SUGP1: variants seen among roughly 807,000 people sequenced by gnomAD.
The protein encoded by SUGP1 is SURP and G-patch domain-containing protein 1.
SUGP1 carries 34 observed loss-of-function variants against 76.5 expected under a neutral mutation model. The ratio of observed to expected loss-of-function variants is 0.44; its 90% CI spans 0.34 to 0.59. The LOEUF (loss-of-function observed/expected upper bound fraction) is 0.59, where lower values mean the gene tolerates loss of function less well. Among genes scored for constraint, SUGP1 ranks in the 20% least tolerant of loss-of-function variants. The probability of loss-of-function intolerance (pLI) is 0.01; values close to 1 mark genes in which losing one functional copy is unlikely to be tolerated. For missense variants in SUGP1, 752 were observed against 851.7 expected (o/e 0.88, Z 1.46); for synonymous variants, 326 against 326.2 (o/e 1.00, Z 0.01).
rs201673224 is a variant in SUGP1 at position 19,306,063 on chromosome 19, A to G, written c.324T>C (p.Ser108=). Residue 108 remains serine (S), a synonymous_variant, in exon 4 of 14, where the codon AGT becomes AGC. Coordinates refer to ENST00000247001, the MANE Select transcript of SUGP1 (RefSeq NM_172231.4). ...GTGTGCTGGGAGGGGCGCTGGGCGC[A>G]CTGGTCGGGGCGTCTGGTATAGAAG... ...KAQTSTDAPT[S]APSAPPSTPT... 6.3e-5 allele frequency: 101 copies of G among 1,602,474 alleles called. No individual in the cohort carries two copies. In the African/African-American group the frequency reaches 1.1e-3, roughly 18 times the overall value.
At chr19:19,308,117 C>T (rs1302283248) in intron 3 of SUGP1, among the ~76,000 whole-genome samples, 1 of 152,164 alleles carries the variant, frequency 6.6e-6, no homozygotes, top group African/African-American at 2.4e-5. Flanking sequence ...CTACCTCCGC[C>T]TCCCAGGCCC....
intron 1 of SUGP1, among the ~76,000 whole-genome samples, chr19:19,318,927 T>C (rs1388804850): frequency 6.6e-6 from 1 of 152,016 alleles, no homozygotes; most frequent in Non-Finnish European, 1.5e-5. Context: ...ATCCAAATTT[T>C]AAAAGTCTGA....
At chr19:19,309,437 T>A (rs965705896) in intron 3 of SUGP1, among the ~76,000 whole-genome samples, 1 of 152,124 alleles carries the variant, frequency 6.6e-6, no homozygotes, top group African/African-American at 2.4e-5. Flanking sequence ...TGTGCTATGA[T>A]TGCACTACTG....
intron 8 of SUGP1, among the ~76,000 whole-genome samples, chr19:19,294,597 A>G (rs951218945): frequency 6.6e-6 from 1 of 152,092 alleles, no homozygotes; most frequent in African/African-American, 2.4e-5. Context: ...ACACAGGGGT[A>G]AATTTTCATG....
At position 19,302,196 on chromosome 19, in the gene SUGP1, C is replaced by T. The variant is rs181568277; in HGVS notation, c.887+69G>A. The T allele has an allele frequency of 2.2e-3, 3,547 of 1,595,128 alleles. 11 individuals are homozygous for T. The highest frequency in any genetic ancestry group is 2.8e-3 in the Non-Finnish European group (3,280 of 1,169,742). ...CAGCAGGTGGCTGGACTATGCTGAT[C>T]CAGTGTCCTCCCCTGCAGGGGGACT... On this transcript the variant is annotated intron_variant, in intron 7 of 13. Coordinates refer to ENST00000247001, the MANE Select transcript of SUGP1 (RefSeq NM_172231.4).
At chr19:19,281,894 G>C (rs1425716111) in intron 8 of SUGP1, among the ~76,000 whole-genome samples, 1 of 152,212 alleles carries the variant, frequency 6.6e-6, no homozygotes, top group Admixed American at 6.5e-5. Context: ...GGCCCTCCCC[G>C]AAATTGCTGC....
In SUGP1 at chr19:19,303,356, G is replaced by A. The variant is rs2146616298; in HGVS notation, c.755C>T (p.Ser252Phe). The stretch of plus-strand genomic sequence containing the variant: ...CCGCTCCGTCCACCTACCTTTCTGA[G>A]AGGCTGCCTGCGACTTCTGTGCTTC... ...RKEAQKSQAA[S>F]QKVSPPEDEE... The change falls in exon 6 of 14, where the codon TCT becomes TTT. Residue 252 changes from serine (S) to phenylalanine (F), a missense_variant. Coordinates refer to ENST00000247001, the MANE Select transcript of SUGP1 (RefSeq NM_172231.4). The A allele has an allele frequency of 6.2e-7, 1 of 1,614,086 alleles. No homozygotes were observed. Among genetic ancestry groups the A allele is most frequent in the East Asian group, 2.2e-5 (1 of 44,886 alleles).
chr19:19,291,276 A>G (rs1469579489), intron 8 of SUGP1, among the ~76,000 whole-genome samples: 1 of 152,212 alleles, frequency 6.6e-6, no homozygotes, highest in Non-Finnish European at 1.5e-5. Flanking sequence ...AGGACTATAA[A>G]TACAATGGAG....
chr19:19,276,737 G>A, intron 13 of SUGP1, 63 bp from the exon 14 acceptor site: 1 of 1,610,626 alleles, frequency 6.2e-7, no homozygotes, highest in Non-Finnish European at 8.5e-7. Flanking sequence ...AGTTCCTCCT[G>A]TCTGGAACCT....
intron 8 of SUGP1, chr19:19,280,521 C>T (rs1012190809): frequency 2.3e-5 from 12 of 529,004 alleles, no homozygotes; most frequent in East Asian, 6.1e-5. Context: ...CCAGGCTCTA[C>T]GCACCACCAC....
At chr19:19,289,011 C>T (rs2061162314) in intron 8 of SUGP1, among the ~76,000 whole-genome samples, 1 of 151,776 alleles carries the variant, frequency 6.6e-6, no homozygotes, top group Admixed American at 6.6e-5. Context: ...GTCTCGGACT[C>T]CTGACCTTGT....
At chr19:19,317,372 C>T (rs1201852796) in intron 1 of SUGP1, among the ~76,000 whole-genome samples, 1 of 152,122 alleles carries the variant, frequency 6.6e-6, no homozygotes, top group Non-Finnish European at 1.5e-5. Flanking sequence ...CAGGAAGAAG[C>T]CTGGTACATC....
At chr19:19,286,857 A>G (rs1301760152) in intron 8 of SUGP1, among the ~76,000 whole-genome samples, 1 of 152,242 alleles carries the variant, frequency 6.6e-6, no homozygotes, top group Non-Finnish European at 1.5e-5. Context: ...CAGCCTGGCT[A>G]ACATGGCGAA....
In SUGP1 at chr19:19,316,653, C is replaced by T. The variant is rs577666279; in HGVS notation, c.35-60G>A. ...CTTACTCCACAAACACCCCAAGAAG[C>T]TGTGACAGGCCAGAGAGCAACTGAT... On this transcript the variant is annotated intron_variant, in intron 1 of 13. Coordinates refer to ENST00000247001, the MANE Select transcript of SUGP1 (RefSeq NM_172231.4). 1.5e-5 allele frequency: 24 copies of T among 1,577,752 alleles called. 1 individual carries two copies. In the South Asian group the frequency reaches 2.3e-4, roughly 15 times the overall value.
Position 19,305,834 on chromosome 19 carries a change from G to C in SUGP1, c.538+15C>G, listed in dbSNP as rs554613554. On this transcript the variant is annotated intron_variant, in intron 4 of 13. Transcript: ENST00000247001. The stretch of plus-strand genomic sequence containing the variant: ...GGGCACTGGTGGTGGGGGAGCAGCA[G>C]CTCCCACAACTTACCTTTGATCTCC... The C allele has an allele frequency of 2.1e-5, 33 of 1,580,298 alleles. 1 individual carries two copies. In the South Asian group the frequency reaches 3.6e-4, roughly 17 times the overall value.
At chr19:19,320,328 A>T in intron 1 of SUGP1, 135 bp downstream of exon 1, 1 of 929,252 alleles carries the variant, frequency 1.1e-6, no homozygotes, top group Non-Finnish European at 1.5e-6. Flanking sequence ...AGAGGTGCAG[A>T]AGCCGACGCT....
chr19:19,312,175 C>T (rs1021486997), intron 2 of SUGP1, among the ~76,000 whole-genome samples: 5 of 150,486 alleles, frequency 3.3e-5, no homozygotes, highest in South Asian at 2.1e-4. Context: ...GGAAGTGGGC[C>T]GCAATCATGC....
At chr19:19,300,372 G>A (rs1005583946) in intron 7 of SUGP1, among the ~76,000 whole-genome samples, 3 of 152,238 alleles carry the variant, frequency 2.0e-5, no homozygotes, top group Admixed American at 2.0e-4. Flanking sequence ...CACCGCACCA[G>A]GCCTCCAGCT....
intron 8 of SUGP1, among the ~76,000 whole-genome samples, chr19:19,290,252 A>G (rs1300363051): frequency 6.6e-6 from 1 of 152,182 alleles, no homozygotes; most frequent in Non-Finnish European, 1.5e-5. Flanking sequence ...GCAAGGAGAG[A>G]GGGAAGGAGC....
Sources: gnomAD v4.1 joint callset for allele counts (sites outside exome capture counted in the v4.1 genomes callset) on GRCh38, gnomAD v4.1.1 for gene constraint, MANE v1.5 for transcripts, NCBI Gene and HGNC (gene_info 2026-07-23, HGNC 2026-07-21) for gene names.